The following NPAS3 variants were observed in gnomAD, a reference collection of about 807,000 sequenced individuals.
NPAS3 encodes neuronal PAS domain protein 3, also known as neuronal PAS domain-containing protein 3.
NPAS3 carries 14 observed loss-of-function variants against 73.1 expected under a neutral mutation model. The ratio of observed to expected loss-of-function variants is 0.19; its 90% CI spans 0.13 to 0.30. The LOEUF is 0.30. NPAS3 is among the 10% of genes least tolerant of loss of function. NPAS3 has a pLI of 1.00. For missense variants in NPAS3, 1,096 were observed against 1,250.0 expected (o/e 0.88, Z 1.86); for synonymous variants, 620 against 541.5 (o/e 1.14, Z -2.01).
chr14:33,551,573 A>G (rs1270272403), intron 4 of NPAS3, among the ~76,000 whole-genome samples: 27 of 152,204 alleles, frequency 1.8e-4, no homozygotes. Flanking sequence ...TTCTATATAA[A>G]ATGGTATGTA....
chr14:33,177,082 T>TATTATC (rs2045617609), intron 2 of NPAS3, among the ~76,000 whole-genome samples: 1 of 141,370 alleles, frequency 7.1e-6, no homozygotes, highest in South Asian at 2.1e-4. Context: ...TTATTATTAT[T>TATTATC]ATTATTATTA....
intron 5 of NPAS3, among the ~76,000 whole-genome samples, chr14:33,614,001 A>T (rs919458890): frequency 3.3e-5 from 5 of 152,206 alleles, no homozygotes; most frequent in African/African-American, 4.8e-5. Flanking sequence ...ATCACCTAGT[A>T]GGCTTTGTCT....
At chr14:33,561,586 A>G (rs1306116090) in intron 5 of NPAS3, among the ~76,000 whole-genome samples, 2 of 152,212 alleles carry the variant, frequency 1.3e-5, no homozygotes, top group Admixed American at 1.3e-4. Flanking sequence ...CCTTTAACAG[A>G]CTTTAAGCCT....
chr14:33,550,278 C>G (rs1356650098), intron 4 of NPAS3, among the ~76,000 whole-genome samples: 2 of 152,174 alleles, frequency 1.3e-5, no homozygotes, highest in Non-Finnish European at 2.9e-5. Flanking sequence ...CTCAGCCTCC[C>G]TAATAAGCAT....
intron 4 of NPAS3, among the ~76,000 whole-genome samples, chr14:33,463,330 A>T (rs1957321): frequency 0.93 from 141,166 of 152,246 alleles, 65,508 homozygotes; most frequent in Admixed American, 0.96. Flanking sequence ...TATCACCTCA[A>T]ATCTTGCAAA....
intron 5 of NPAS3, among the ~76,000 whole-genome samples, chr14:33,570,500 G>A (rs1336899809): frequency 2.0e-5 from 3 of 152,106 alleles, no homozygotes; most frequent in Non-Finnish European, 4.4e-5. Flanking sequence ...CCAATTCCCT[G>A]AAATAATAAT....
chr14:33,541,036 C>T (rs962118795), intron 4 of NPAS3, among the ~76,000 whole-genome samples: 2 of 151,748 alleles, frequency 1.3e-5, no homozygotes, highest in African/African-American at 2.4e-5. Flanking sequence ...CATGATCAAC[C>T]AGTTCTATAC....
chr14:33,295,203 C>T (rs375151922), intron 3 of NPAS3, among the ~76,000 whole-genome samples: 6 of 152,076 alleles, frequency 3.9e-5, no homozygotes, highest in South Asian at 2.1e-4. Flanking sequence ...AACAATGGAG[C>T]GTCCCCAAAT....
At chr14:33,711,130 T>G (rs1218940160) in intron 6 of NPAS3, among the ~76,000 whole-genome samples, 1 of 152,228 alleles carries the variant, frequency 6.6e-6, no homozygotes, top group Admixed American at 6.5e-5. Flanking sequence ...CATACGTGCA[T>G]GCACTGTATA....
intron 1 of NPAS3, among the ~76,000 whole-genome samples, chr14:33,050,713 G>T (rs1318038673): frequency 6.6e-6 from 1 of 152,186 alleles, no homozygotes; most frequent in Admixed American, 6.5e-5. Context: ...AGTCTTAAAA[G>T]ATCACAGTGC....
intron 6 of NPAS3, among the ~76,000 whole-genome samples, chr14:33,716,125 G>C (rs2060950792): frequency 6.6e-6 from 1 of 152,124 alleles, no homozygotes; most frequent in Non-Finnish European, 1.5e-5. Flanking sequence ...TATCTCATTG[G>C]TCTTTGTAAC....
At chr14:33,286,147 A>G (rs1040457525) in intron 3 of NPAS3, among the ~76,000 whole-genome samples, 4 of 152,162 alleles carry the variant, frequency 2.6e-5, no homozygotes, top group Non-Finnish European at 4.4e-5. Flanking sequence ...TCCAAAGATC[A>G]GGTAGCCAGT....
At chr14:32,988,959 G>A (rs762406138) in intron 1 of NPAS3, among the ~76,000 whole-genome samples, 3 of 152,180 alleles carry the variant, frequency 2.0e-5, no homozygotes, top group Non-Finnish European at 4.4e-5. Flanking sequence ...AAGCAGGGTG[G>A]TGGAGATCAC....
chr14:33,467,130 C>T (rs1050509214), intron 4 of NPAS3, among the ~76,000 whole-genome samples: 6 of 152,166 alleles, frequency 3.9e-5, no homozygotes, highest in African/African-American at 1.2e-4. Context: ...GTGACTGTGA[C>T]TTTGCGCTGC....
chr14:33,644,523 A>C (rs1265871250), intron 5 of NPAS3, among the ~76,000 whole-genome samples: 1 of 152,136 alleles, frequency 6.6e-6, no homozygotes, highest in Non-Finnish European at 1.5e-5. Flanking sequence ...CATAAGTCAC[A>C]TATCTGTTTT....
intron 1 of NPAS3, among the ~76,000 whole-genome samples, chr14:33,011,446 C>G (rs1397456570): frequency 6.6e-6 from 1 of 152,132 alleles, no homozygotes; most frequent in Non-Finnish European, 1.5e-5. Flanking sequence ...TTAATGTGCA[C>G]AGCCTTGGGA....
At chr14:33,633,083 C>T (rs771274819) in intron 5 of NPAS3, among the ~76,000 whole-genome samples, 10 of 152,146 alleles carry the variant, frequency 6.6e-5, no homozygotes, top group East Asian at 1.9e-4. Context: ...CTATTTACAT[C>T]GCATTTACAT....
chr14:33,294,757 G>GTATT (rs1175336660), intron 3 of NPAS3, among the ~76,000 whole-genome samples: 1 of 152,166 alleles, frequency 6.6e-6, no homozygotes, highest in Non-Finnish European at 1.5e-5. Flanking sequence ...GAATAAAGGA[G>GTATT]TATTTATGTT....
chr14:32,967,736 G>A (rs1202624933), intron 1 of NPAS3, among the ~76,000 whole-genome samples: 1 of 150,910 alleles, frequency 6.6e-6, no homozygotes, highest in African/African-American at 2.4e-5. Flanking sequence ...TACACTGTTG[G>A]TGGGAACAGT....
Sources: gnomAD v4.1 joint callset for allele counts (sites outside exome capture counted in the v4.1 genomes callset) on GRCh38, gnomAD v4.1.1 for gene constraint, MANE v1.5 for transcripts, NCBI Gene and HGNC (gene_info 2026-07-23, HGNC 2026-07-21) for gene names.